Variants in PPARGC1A observed in about 807,000 individuals in gnomAD.
The protein encoded by PPARGC1A is peroxisome proliferator-activated receptor gamma coactivator 1-alpha.
PPARGC1A carries 25 observed loss-of-function variants against 88.7 expected under a neutral mutation model. The observed-to-expected ratio is 0.28, with a 90% confidence interval of 0.21 to 0.39. The LOEUF (loss-of-function observed/expected upper bound fraction) is 0.39, where lower values mean the gene tolerates loss of function less well. Among genes scored for constraint, PPARGC1A ranks in the 10% least tolerant of loss-of-function variants. The pLI is 1.00. For synonymous variants in PPARGC1A, 363 were observed against 355.6 expected (o/e 1.02, Z -0.24); for missense variants, 880 against 968.7 (o/e 0.91, Z 1.22).
chr4:23,881,311 T>C (rs1715882502), intron 2 of PPARGC1A: 1 of 152,218 alleles, frequency 6.6e-6, no homozygotes, highest in Non-Finnish European at 1.5e-5. Context: ...CCTGGTCACC[T>C]GCATTTACAC....
the PPARGC1A span, among the ~76,000 whole-genome samples, chr4:24,159,225 T>G: frequency 1.0e-4 from 15 of 148,066 alleles, no homozygotes; most frequent in South Asian, 3.1e-3. Context: ...TTTTTTTTTT[T>G]TTTTGAGATG....
At chr4:24,355,346 A>C in the PPARGC1A span, among the ~76,000 whole-genome samples, 1 of 152,210 alleles carries the variant, frequency 6.6e-6, no homozygotes, top group Non-Finnish European at 1.5e-5. Context: ...CAAACAAAAA[A>C]GGCAAGAATG....
chr4:24,027,600 T>C, the PPARGC1A span, among the ~76,000 whole-genome samples: 1 of 152,230 alleles, frequency 6.6e-6, no homozygotes, highest in Non-Finnish European at 1.5e-5. Flanking sequence ...GTGGGGTTTC[T>C]ATGTACTCAC....
At chr4:23,812,385 C>T (rs61268259) in intron 10 of PPARGC1A, among the ~76,000 whole-genome samples, 446 of 152,100 alleles carry the variant, frequency 2.9e-3, no homozygotes, top group African/African-American at 5.5e-3. Context: ...CCTCATTTTC[C>T]GCTCAAAGAG....
chr4:24,177,905 A>C, the PPARGC1A span, among the ~76,000 whole-genome samples: 1 of 152,208 alleles, frequency 6.6e-6, no homozygotes, highest in African/African-American at 2.4e-5. Flanking sequence ...ATGTGGAATT[A>C]TGCAGATTCT....
the PPARGC1A span, among the ~76,000 whole-genome samples, chr4:24,054,317 A>AAAAAC: frequency 2.6e-5 from 4 of 151,872 alleles, no homozygotes; most frequent in African/African-American, 9.7e-5. Context: ...GTAAAAAAAA[A>AAAAAC]AAAAAAAAAC....
the PPARGC1A span, among the ~76,000 whole-genome samples, chr4:24,235,071 T>C: frequency 0.062 from 9,500 of 152,148 alleles, 366 homozygotes; most frequent in South Asian, 0.12. Context: ...ATTTTAGTAA[T>C]GATGCATCAA....
At chr4:24,136,872 T>C in the PPARGC1A span, among the ~76,000 whole-genome samples, 1 of 151,968 alleles carries the variant, frequency 6.6e-6, no homozygotes, top group African/African-American at 2.4e-5. Context: ...TCCCAGCACT[T>C]TGGGAGGCTG....
intron 2 of PPARGC1A, among the ~76,000 whole-genome samples, chr4:23,878,135 C>A (rs1357098692): frequency 6.6e-6 from 1 of 152,076 alleles, no homozygotes; most frequent in African/African-American, 2.4e-5. Context: ...CTTTGATGAG[C>A]CAGTTGAGAC....
chr4:23,829,366 C>A, intron 4 of PPARGC1A, 97 bp downstream of exon 4: 1 of 1,349,854 alleles, frequency 7.4e-7, no homozygotes, highest in East Asian at 2.3e-5. Context: ...GCTTCGGGGT[C>A]CCAGCTGAAT....
chr4:24,008,054 G>C, the PPARGC1A span, among the ~76,000 whole-genome samples: 2 of 152,170 alleles, frequency 1.3e-5, no homozygotes, highest in Non-Finnish European at 2.9e-5. Context: ...CTGCAGATGA[G>C]AGAGAACCGT....
At chr4:23,910,254 TTA>T in the PPARGC1A span, among the ~76,000 whole-genome samples, 7 of 103,946 alleles carry the variant, frequency 6.7e-5, no homozygotes, top group Admixed American at 4.5e-4. Context: ...TAAATATATA[TTA>T]TATATATTAA....
chr4:23,944,283 T>A, the PPARGC1A span, among the ~76,000 whole-genome samples: 5 of 152,178 alleles, frequency 3.3e-5, no homozygotes, highest in Admixed American at 1.3e-4. Flanking sequence ...AATGCAGTCA[T>A]GCACAATAAT....
At chr4:24,075,600 C>G in the PPARGC1A span, among the ~76,000 whole-genome samples, 1 of 152,078 alleles carries the variant, frequency 6.6e-6, no homozygotes, top group African/African-American at 2.4e-5. Flanking sequence ...GGGAGTGACC[C>G]CATGGGAGGT....
the PPARGC1A span, among the ~76,000 whole-genome samples, chr4:24,089,514 C>CTTTTTT: frequency 2.6e-5 from 1 of 38,680 alleles, no homozygotes; most frequent in African/African-American, 5.4e-5. Context: ...TCTTTTCTTT[C>CTTTTTT]TTTTTTTTTT....
chr4:23,964,865 T>C, the PPARGC1A span, among the ~76,000 whole-genome samples: 1 of 152,174 alleles, frequency 6.6e-6, no homozygotes, highest in Admixed American at 6.5e-5. Flanking sequence ...TCAATAGTCT[T>C]GATCTGATTT....
the PPARGC1A span, among the ~76,000 whole-genome samples, chr4:24,188,821 G>T: frequency 1.3e-5 from 2 of 151,986 alleles, no homozygotes; most frequent in Admixed American, 1.3e-4. Context: ...CTTCAGCAGG[G>T]TCTCAAAAAT....
the PPARGC1A span, among the ~76,000 whole-genome samples, chr4:24,411,608 A>G: frequency 6.6e-6 from 1 of 152,294 alleles, no homozygotes; most frequent in Middle Eastern, 3.4e-3. Flanking sequence ...AGGACATGCA[A>G]CCACCACTGT....
At chr4:24,269,373 C>T in the PPARGC1A span, among the ~76,000 whole-genome samples, 2 of 151,580 alleles carry the variant, frequency 1.3e-5, no homozygotes, top group African/African-American at 4.8e-5. Flanking sequence ...CAAGAAGTGA[C>T]TTATTATCTC....
Sources: allele counts gnomAD v4.1 joint callset (sites outside exome capture counted in the v4.1 genomes callset), GRCh38; gene constraint gnomAD v4.1.1; transcripts MANE v1.5; gene names NCBI Gene and HGNC (gene_info 2026-07-23, HGNC 2026-07-21).